ADGRB2: variants seen among roughly 807,000 people sequenced by gnomAD.
ADGRB2 encodes the protein brain-specific angiogenesis inhibitor 2.
In ADGRB2, 47 loss-of-function variants were observed where a neutral mutation model predicts 178.7. The observed-to-expected ratio is 0.26, with a 90% confidence interval of 0.21 to 0.34. ADGRB2 has a LOEUF of 0.34. Among genes scored for constraint, ADGRB2 ranks in the 10% least tolerant of loss-of-function variants. The pLI, the probability that ADGRB2 is intolerant of heterozygous loss-of-function variation, is 1.00. For missense variants in ADGRB2, 1,584 were observed against 2,180.8 expected (o/e 0.73, Z 5.45); for synonymous variants, 870 against 912.4 (o/e 0.95, Z 0.84).
chr1:31,753,343 G>A lies in ADGRB2; in HGVS notation c.838+2656C>T, dbSNP rs573776843. 6.6e-6 allele frequency among the ~76,000 whole-genome samples: 1 copy of A among 152,218 alleles called. No homozygotes were observed. The highest frequency in any genetic ancestry group is 2.4e-5 in the African/African-American group (1 of 41,452). On this transcript the variant is annotated intron_variant, in intron 4 of 32. Transcript: ENST00000373658. The surrounding 1 kb of genome is among the most constrained non-coding windows in gnomAD (Gnocchi z 4.1). ...AAGAGATCTATCAAAGGCAGTTTGC[G>A]TGAAATTAACAGGCGCCTGTACCCT...
Position 31,731,169 on chromosome 1 carries a change from G to T in ADGRB2, c.4011C>A (p.Leu1337=). ...CGEGGLRQLD[L]TWLRPTEPGS... The stretch of plus-strand genomic sequence containing the variant: ...CTGGCTCAGTGGGCCGCAGCCATGT[G>T]AGGTCCAGCTGCCGCAGGCCACCCT... The change falls in exon 29 of 33, where the codon CTC becomes CTA. Residue 1337 remains leucine, a synonymous_variant. Coordinates refer to ENST00000373658, the MANE Select transcript of ADGRB2 (RefSeq NM_001364857.2). 6.3e-7 allele frequency: 1 copy of T among 1,598,912 alleles called. No homozygotes were observed. The highest frequency in any genetic ancestry group is 2.3e-5 in the East Asian group (1 of 43,894).
rs1434436885 is a variant in ADGRB2, at chr1:31,761,131, T to G, written c.-191+2753A>C. ...CGCCGTTGCTACAGGAACCGAATGC[T>G]TTTGTTCCCCAATGTCAGGGCTGCC... On this transcript the variant is annotated intron_variant, in intron 1 of 32. Coordinates refer to ENST00000373658, the MANE Select transcript of ADGRB2 (RefSeq NM_001364857.2). This position sits in a 1 kb window ranked among gnomAD's most constrained non-coding sequence, Gnocchi z 4.2. 3.9e-5 allele frequency: 6 copies of G among 152,232 alleles called. No homozygotes were observed. The highest frequency in any genetic ancestry group is 5.9e-5 in the Non-Finnish European group (4 of 68,084). 9.4% of individuals were successfully genotyped at this position (152,232 alleles called of 1,614,324 possible).
rs201452112 is a variant in ADGRB2 at position 31,727,618 on chromosome 1, C to T, written c.4573-13G>A. 373 of 1,496,812 alleles carry T rather than the reference C, an allele frequency of 2.5e-4. No homozygotes were observed. Among genetic ancestry groups the T allele is most frequent in the Admixed American group, 8.9e-4 (35 of 39,416 alleles). 92.7% of individuals were successfully genotyped at this position (1,496,812 alleles called of 1,614,324 possible). On this transcript the variant is annotated splice_polypyrimidine_tract_variant and intron_variant, in intron 32 of 32. Coordinates refer to ENST00000373658, the MANE Select transcript of ADGRB2 (RefSeq NM_001364857.2). The surrounding 1 kb of genome is among the most constrained non-coding windows in gnomAD (Gnocchi z 4.4). The stretch of plus-strand genomic sequence containing the variant: ...GGCTGGGCTTATCCTGTGGAGGGAG[C>T]GGGAGGGGCCGTGGAGATGGGCCAA...
At position 31,735,122 on chromosome 1, in the gene ADGRB2, C is replaced by CT; in HGVS notation, c.3452+60dup. 3.9e-6 allele frequency: 4 copies of CT among 1,036,618 alleles called. No individual in the cohort carries two copies. Among genetic ancestry groups the CT allele is most frequent in the Non-Finnish European group, 5.3e-6 (4 of 756,992 alleles). 64.2% of individuals were successfully genotyped at this position (1,036,618 alleles called of 1,614,324 possible). ...CCTCCTCCTCCCCCCACCATGGGCA[C>CT]TGCCCCCCCCAATTCCTTTGCCCCA... is the stretch of plus-strand genomic sequence containing the variant. On this transcript the variant is annotated intron_variant, in intron 25 of 32. Transcript: ENST00000373658. This position sits in a 1 kb window ranked among gnomAD's most constrained non-coding sequence, Gnocchi z 6.0.
chr1:31,750,985 C>T (rs908911056), intron 4 of ADGRB2, among the ~76,000 whole-genome samples: 3 of 152,068 alleles, frequency 2.0e-5, no homozygotes, highest in African/African-American at 4.8e-5. Flanking sequence ...AGAAGCTCCT[C>T]GAGAGCAGGG....
intron 29 of ADGRB2, among the ~76,000 whole-genome samples, chr1:31,729,983 G>T (rs1645194508): frequency 6.6e-6 from 1 of 152,244 alleles, no homozygotes; most frequent in Non-Finnish European, 1.5e-5. Flanking sequence ...TGGCGGATGG[G>T]GAGTGGGTTT....
At position 31,759,023 on chromosome 1, in the gene ADGRB2, G is replaced by A. The variant is rs1404157805; in HGVS notation, c.-190-1512C>T. On this transcript the variant is annotated intron_variant, in intron 1 of 32. Transcript: ENST00000373658. This position sits in a 1 kb window ranked among gnomAD's most constrained non-coding sequence, Gnocchi z 4.3. ...GGGAGGTAGGGGCTCATTATAACCG[G>A]CCTCCCCTCCCCCACTTACAGCAGC... Among the ~76,000 whole-genome samples, 2 of 152,084 alleles carry A rather than the reference G, an allele frequency of 1.3e-5. No homozygotes were observed. Among genetic ancestry groups the A allele is most frequent in the African/African-American group, 4.8e-5 (2 of 41,388 alleles).
chr1:31,736,522 G>T (rs1486112079), intron 21 of ADGRB2, 51 bp downstream of exon 21: 2 of 1,601,574 alleles, frequency 1.2e-6, no homozygotes, highest in Non-Finnish European at 1.7e-6. Flanking sequence ...CTCTCTTGCT[G>T]CCCCTGCCCA....
intron 25 of ADGRB2, among the ~76,000 whole-genome samples, chr1:31,734,631 A>AT (rs377006519): frequency 1.7e-3 from 252 of 152,270 alleles, no homozygotes; most frequent in African/African-American, 5.8e-3. Context: ...CATAGCTGGG[A>AT]TTTTAAGATT....
rs775869859 is a variant in ADGRB2 at position 31,735,447 on chromosome 1, G to A, written c.3353+133C>T. The A allele has an allele frequency of 7.6e-7, 1 of 1,311,972 alleles. No homozygotes were observed. Among genetic ancestry groups the A allele is most frequent in the Non-Finnish European group, 1.1e-6 (1 of 931,342 alleles). The allele number at this position is 1,311,972 out of a possible 1,614,324, so 81.3% of individuals were successfully genotyped here. ...GCTGAGCACTCCGGGTGCCCACCTTGCCTGCAACCTTGATGCACCAAGGTT... is the reference window on the plus strand; with the variant it reads ...GCTGAGCACTCCGGGTGCCCACCTTACCTGCAACCTTGATGCACCAAGGTT... On this transcript the variant is annotated intron_variant, in intron 24 of 32. Coordinates refer to ENST00000373658, the MANE Select transcript of ADGRB2 (RefSeq NM_001364857.2). This position sits in a 1 kb window ranked among gnomAD's most constrained non-coding sequence, Gnocchi z 6.0.
At chr1:31,750,410 C>T (rs549853357) in intron 4 of ADGRB2, among the ~76,000 whole-genome samples, 8 of 152,336 alleles carry the variant, frequency 5.3e-5, no homozygotes, top group African/African-American at 1.9e-4. Context: ...TGCTTCACCC[C>T]TGGTGCCAGC....
rs370924052 is a variant in ADGRB2 at position 31,728,013 on chromosome 1, G to A, written c.4572+12C>T. The A allele has an allele frequency of 1.4e-5, 22 of 1,552,604 alleles. No individual in the cohort carries two copies. Among genetic ancestry groups the A allele is most frequent in the African/African-American group, 4.1e-5 (3 of 73,542 alleles). On this transcript the variant is annotated intron_variant, in intron 32 of 32. Transcript: ENST00000373658. This position sits in a 1 kb window ranked among gnomAD's most constrained non-coding sequence, Gnocchi z 6.7. The stretch of plus-strand genomic sequence containing the variant: ...AGGCCCACCTCACCCCACCCAGCCC[G>A]GGGGGACTCACGGTGCACACGCTCC...
chr1:31,756,193 G>A lies in ADGRB2; in HGVS notation c.644C>T (p.Ala215Val), dbSNP rs780590210. Residue 215 changes from alanine to valine, a missense_variant, in exon 4 of 33, where the codon GCC becomes GTC. Physicochemically the swap from Ala to Val is moderately conservative, Grantham distance 64. Coordinates refer to ENST00000373658, the MANE Select transcript of ADGRB2 (RefSeq NM_001364857.2). This position sits in a 1 kb window ranked among gnomAD's most constrained non-coding sequence, Gnocchi z 8.5. ...SEECGRAAGR[A>V]CGFAQPGCSC... ...GCAGCCTGGCTGAGCAAAGCCGCAGGCCCTGCCGGCAGCGCGGCCACACTC... is the reference window on the plus strand; with the variant it reads ...GCAGCCTGGCTGAGCAAAGCCGCAGACCCTGCCGGCAGCGCGGCCACACTC... 1.2e-6 allele frequency: 2 copies of A among 1,612,694 alleles called. No individual in the cohort carries two copies. Among genetic ancestry groups the A allele is most frequent in the Admixed American group, 1.7e-5 (1 of 59,990 alleles).
Position 31,742,981 on chromosome 1 carries a change from C to T in ADGRB2, c.1109G>A (p.Trp370Ter). Residue 370 changes from tryptophan (W) to a stop codon, truncating the protein, a stop_gained, in exon 7 of 33, where the codon TGG (tryptophan) becomes TAG (stop). Coordinates refer to ENST00000373658, the MANE Select transcript of ADGRB2 (RefSeq NM_001364857.2). LOFTEE classifies it high-confidence loss of function. ...TCPVHGVWEE[W>*]GSWSLCSRSC... ...GCGGGAGCACAGGCTCCAGGACCCC[C>T]ACTCCTCCCACACGCCGTGCACTGC... The T allele has an allele frequency of 6.6e-7, 1 of 1,523,932 alleles. No individual in the cohort carries two copies. The highest frequency in any genetic ancestry group is 8.8e-7 in the Non-Finnish European group (1 of 1,133,856). The allele number at this position is 1,523,932 out of a possible 1,614,324, so 94.4% of individuals were successfully genotyped here.
rs77499146 is a variant in ADGRB2, at chr1:31,728,189, G to A, written c.4508C>T (p.Thr1503Met). The A allele has an allele frequency of 1.8e-3, 2,827 of 1,614,188 alleles. 39 individuals carry two copies. The African/African-American group carries it at 0.03, about 17-fold the overall frequency. The change falls in exon 31 of 33, where the codon ACG (threonine) becomes ATG (methionine). Residue 1503 changes from threonine to methionine, a missense_variant. By Grantham distance (81) the Thr-to-Met change is moderately conservative (BLOSUM62 -1). This residue lies in a region of ADGRB2 where 865 missense variants were observed against 1,192.8 expected (regional missense o/e 0.73). Coordinates refer to ENST00000373658, the MANE Select transcript of ADGRB2 (RefSeq NM_001364857.2). The surrounding 1 kb of genome is among the most constrained non-coding windows in gnomAD (Gnocchi z 6.7). The part of the protein sequence containing the change: ...HTFDRYRSQS[T>M]AKREKRWSVS... ...CACGGGAGGAGCCCTCACCTTGGCC[G>A]TGGACTGGCTGCGGTAGCGGTCGAA...
At chr1:31,732,181 G>A (rs1423258039) in intron 27 of ADGRB2, 27 bp from the exon 28 acceptor site, 11 of 1,614,014 alleles carry the variant, frequency 6.8e-6, no homozygotes, top group Non-Finnish European at 8.5e-6. Flanking sequence ...AGGGGCAGGT[G>A]GGCAGAGGGA....
At chr1:31,738,534 C>T (rs112487341) in intron 17 of ADGRB2, 53 bp downstream of exon 17, 37 of 1,572,030 alleles carry the variant, frequency 2.4e-5, no homozygotes, top group Admixed American at 1.5e-4. Flanking sequence ...CCCTTTCTGG[C>T]AAAGGGCCCT....
intron 27 of ADGRB2, 151 bp from the exon 28 acceptor site, chr1:31,732,305 C>T (rs1645329174): frequency 1.6e-6 from 2 of 1,262,676 alleles, no homozygotes. Context: ...AGAGCCCAGG[C>T]ATGGCCTACC....
In ADGRB2 at chr1:31,727,296, C is replaced by T. The variant is rs551784644; in HGVS notation, c.*124G>A. 338 of 1,244,154 alleles carry T rather than the reference C, an allele frequency of 2.7e-4. 2 individuals are homozygous for T. In the South Asian group the frequency reaches 4.4e-3, roughly 16 times the overall value. 77.1% of individuals were successfully genotyped at this position (1,244,154 alleles called of 1,614,324 possible). ...GGCTCCCCCAGCCTGGCTGAGTCCA[C>T]GGCGCCTCCCTGCCCAGCCCTCGGG... On this transcript the variant is annotated 3_prime_UTR_variant, in exon 33 of 33. Coordinates refer to ENST00000373658, the MANE Select transcript of ADGRB2 (RefSeq NM_001364857.2). This position sits in a 1 kb window ranked among gnomAD's most constrained non-coding sequence, Gnocchi z 4.4.
Sources: gnomAD v4.1 joint callset for allele counts (sites outside exome capture counted in the v4.1 genomes callset) on GRCh38, gnomAD v4.1.1 for gene constraint, gnomAD v4.1.1 regional missense constraint, Gnocchi (gnomAD v3.1) non-coding constraint, MANE v1.5 for transcripts, NCBI Gene and HGNC (gene_info 2026-07-23, HGNC 2026-07-21) for gene names.